PCDHA11: variants seen among roughly 807,000 people sequenced by gnomAD.
The protein encoded by PCDHA11 is protocadherin alpha-11.
A neutral mutation model predicts 70.3 loss-of-function variants in PCDHA11; 61 were observed. That is an observed-to-expected ratio of 0.87 (90% confidence interval 0.71 to 1.07). The LOEUF is 1.07. PCDHA11 is among the 50% of genes least tolerant of loss of function. The probability of loss-of-function intolerance (pLI) is 0.00; values close to 1 mark genes in which losing one functional copy is unlikely to be tolerated. For synonymous variants in PCDHA11, 633 were observed against 555.1 expected, an observed-to-expected ratio of 1.14 and a Z score of -1.97; for missense variants, 1,324 against 1,237.5, an observed-to-expected ratio of 1.07 and a Z score of -1.05.
intron 1 of PCDHA11, among the ~76,000 whole-genome samples, chr5:140,962,807 C>T (rs1463442901): frequency 5.3e-5 from 8 of 152,220 alleles, no homozygotes; most frequent in Non-Finnish European, 1.0e-4. Flanking sequence ...CAACTCTAAA[C>T]ATCAGAGATG....
At chr5:140,959,624 AAAAG>A (rs2095502972) in intron 1 of PCDHA11, among the ~76,000 whole-genome samples, 1 of 152,220 alleles carries the variant, frequency 6.6e-6, no homozygotes, top group Non-Finnish European at 1.5e-5. Context: ...GTGATAGAAA[AAAAG>A]AGAGAAAAAA....
chr5:140,974,636 C>T (rs1208653634), intron 1 of PCDHA11, among the ~76,000 whole-genome samples: 2 of 152,054 alleles, frequency 1.3e-5, no homozygotes, highest in African/African-American at 4.8e-5. Flanking sequence ...CTCAACCTCC[C>T]GAGTAGCTGA....
rs576802253 is a variant in PCDHA11 at position 140,888,837 on chromosome 5, C to T, written c.2391+17343C>T. ...GATCTGTGATCACATCACTCCACTG[C>T]AGCCTGGTGACAGAGTGAGACCATG... is the stretch of plus-strand genomic sequence containing the variant. On this transcript the variant is annotated intron_variant, in intron 1 of 3. Coordinates refer to ENST00000398640, the MANE Select transcript of PCDHA11 (RefSeq NM_018902.5). Among the ~76,000 whole-genome samples, 5 of 152,130 alleles carry T rather than the reference C, an allele frequency of 3.3e-5. No individual in the cohort carries two copies. In the South Asian group the frequency reaches 1.0e-3, roughly 32 times the overall value.
At chr5:140,929,319 T>C in intron 1 of PCDHA11, 1 of 1,545,486 alleles carries the variant, frequency 6.5e-7, no homozygotes, top group Non-Finnish European at 8.7e-7. Flanking sequence ...CTAATGTCAA[T>C]GCCATGGTAA....
chr5:140,995,529 C>G (rs1191657600), intron 3 of PCDHA11, among the ~76,000 whole-genome samples: 1 of 152,078 alleles, frequency 6.6e-6, no homozygotes, highest in East Asian at 1.9e-4. Flanking sequence ...GAAATCAAAC[C>G]TCAAATAAGG....
Position 140,966,227 on chromosome 5 carries a change from A to T in PCDHA11, c.2392-12722A>T, listed in dbSNP as rs556655692. The T allele has an allele frequency of 3.7e-5, 10 of 270,804 alleles. No individual in the cohort carries two copies. The South Asian group carries it at 1.7e-3, about 46-fold the overall frequency. 16.8% of individuals were successfully genotyped at this position (270,804 alleles called of 1,614,324 possible). On this transcript the variant is annotated intron_variant, in intron 1 of 3. Coordinates refer to ENST00000398640, the MANE Select transcript of PCDHA11 (RefSeq NM_018902.5). ...CTGCTTTTCCCAGACTAATCTCCTT[A>T]AAGACCCGTTAAGCAGGGGAGAGAC...
chr5:140,963,861 G>A (rs2095794580), intron 1 of PCDHA11, among the ~76,000 whole-genome samples: 1 of 152,172 alleles, frequency 6.6e-6, no homozygotes, highest in Admixed American at 6.5e-5. Flanking sequence ...ATAACCGTAT[G>A]AGTTTTGCTT....
intron 1 of PCDHA11, among the ~76,000 whole-genome samples, chr5:140,924,615 C>G (rs142536325): frequency 6.6e-6 from 1 of 152,150 alleles, no homozygotes; most frequent in African/African-American, 2.4e-5. Flanking sequence ...ATGCCAGGTG[C>G]GGTGGCATGG....
chr5:140,886,087 A>G (rs944362157), intron 1 of PCDHA11, among the ~76,000 whole-genome samples: 2 of 152,324 alleles, frequency 1.3e-5, no homozygotes, highest in Admixed American at 6.5e-5. Flanking sequence ...CAACCTGGAT[A>G]TTGACATTGA....
chr5:140,921,974 T>G lies in PCDHA11; in HGVS notation c.2391+50480T>G, dbSNP rs184369031. Among the ~76,000 whole-genome samples the G allele has an allele frequency of 1.1e-3, 161 of 151,826 alleles. 2 individuals are homozygous for G. The highest frequency in any genetic ancestry group is 2.1e-3 in the Non-Finnish European group (141 of 67,922). The stretch of plus-strand genomic sequence containing the variant: ...AATCCCAGAAAACCAAAGGAAAAAA[T>G]AGAACTAAAAAAGAGTTCAATGAAA... On this transcript the variant is annotated intron_variant, in intron 1 of 3. Transcript: ENST00000398640.
At chr5:141,007,448 G>A (rs555583994) in intron 3 of PCDHA11, among the ~76,000 whole-genome samples, 2 of 150,352 alleles carry the variant, frequency 1.3e-5, no homozygotes, top group African/African-American at 4.9e-5. Context: ...TGTGCCTGTA[G>A]TCCCAGCTAC....
chr5:140,904,901 T>C (rs782489947), intron 1 of PCDHA11, among the ~76,000 whole-genome samples: 9 of 152,224 alleles, frequency 5.9e-5, no homozygotes, highest in Non-Finnish European at 1.0e-4. Context: ...TTTGTTTTTC[T>C]TACTGATTTG....
At chr5:140,978,422 T>C (rs1554239303) in intron 1 of PCDHA11, among the ~76,000 whole-genome samples, 2 of 152,218 alleles carry the variant, frequency 1.3e-5, no homozygotes, top group Non-Finnish European at 2.9e-5. Flanking sequence ...AAGAGACTGT[T>C]ATCAGTTGCT....
chr5:140,896,214 G>C (rs1265727629), intron 1 of PCDHA11, among the ~76,000 whole-genome samples: 4 of 152,208 alleles, frequency 2.6e-5, no homozygotes, highest in Non-Finnish European at 5.9e-5. Context: ...ACACATACAT[G>C]TGTCTTTATA....
intron 1 of PCDHA11, among the ~76,000 whole-genome samples, chr5:140,920,549 G>T (rs957534849): frequency 6.6e-6 from 1 of 152,120 alleles, no homozygotes; most frequent in Non-Finnish European, 1.5e-5. Flanking sequence ...TTTCACCTTC[G>T]AAGTGTGGCC....
At position 140,869,030 on chromosome 5, in the gene PCDHA11, T is replaced by C. The variant is rs1049032233; in HGVS notation, c.-74T>C. ...GAAACTTCTTAAGAATTCAACGAGA[T>C]TTTTAACCTGAAACTGAAGAATCTG... is the stretch of plus-strand genomic sequence containing the variant. On this transcript the variant is annotated 5_prime_UTR_variant, in exon 1 of 4. Coordinates refer to ENST00000398640, the MANE Select transcript of PCDHA11 (RefSeq NM_018902.5). 5 of 1,526,396 alleles carry C rather than the reference T, an allele frequency of 3.3e-6. No homozygotes were observed. The highest frequency in any genetic ancestry group is 4.4e-6 in the Non-Finnish European group (5 of 1,141,232). 94.6% of individuals were successfully genotyped at this position (1,526,396 alleles called of 1,614,324 possible). A position where few individuals can be genotyped will look rare whatever the true frequency, so the allele number is the denominator to read the frequency against.
intron 3 of PCDHA11, among the ~76,000 whole-genome samples, chr5:140,985,935 T>C (rs1563529145): frequency 6.6e-6 from 1 of 151,974 alleles, no homozygotes; most frequent in African/African-American, 2.4e-5. Context: ...GAGCCGGGGT[T>C]TCACTGTGTT....
chr5:140,897,613 A>C (rs1252972033), intron 1 of PCDHA11, among the ~76,000 whole-genome samples: 2 of 152,052 alleles, frequency 1.3e-5, no homozygotes, highest in Non-Finnish European at 2.9e-5. Flanking sequence ...GTTGGTTCCA[A>C]GTCTTTACTA....
rs1195696269 is a variant in PCDHA11, at chr5:141,010,821, TTTG to T, written c.*890_*892del. ...AACCCCGACACCTCACCTTTCGCTG[TTTG>T]TTGTTTCATAGATTTATTTAAAAAA... is the stretch of plus-strand genomic sequence containing the variant. On this transcript the variant is annotated 3_prime_UTR_variant, in exon 4 of 4. Coordinates refer to ENST00000398640, the MANE Select transcript of PCDHA11 (RefSeq NM_018902.5). 3 of 153,772 alleles carry T rather than the reference TTTG, an allele frequency of 2.0e-5. No individual in the cohort carries two copies. The highest frequency in any genetic ancestry group is 4.4e-5 in the Non-Finnish European group (3 of 68,048). 9.5% of individuals were successfully genotyped at this position (153,772 alleles called of 1,614,324 possible).
Sources: gnomAD v4.1 joint callset for allele counts (sites outside exome capture counted in the v4.1 genomes callset) on GRCh38, gnomAD v4.1.1 for gene constraint, MANE v1.5 for transcripts, NCBI Gene and HGNC (gene_info 2026-07-23, HGNC 2026-07-21) for gene names.